Variants in ATP9B observed in about 807,000 individuals in gnomAD.
ATP9B encodes the protein ATPase phospholipid transporting 9B.
Under a neutral mutation model 146.1 loss-of-function variants are expected in ATP9B, and 110 were observed. The ratio of observed to expected loss-of-function variants is 0.75; its 90% CI spans 0.65 to 0.88. The LOEUF (loss-of-function observed/expected upper bound fraction) is 0.88. ATP9B is among the 40% of genes least tolerant of loss of function. ATP9B has a pLI of 0.00. For missense variants in ATP9B, 1,499 were observed against 1,496.4 expected (o/e 1.00, Z -0.03); for synonymous variants, 604 against 569.7 (o/e 1.06, Z -0.86).
intron 1 of ATP9B, among the ~76,000 whole-genome samples, chr18:79,086,759 A>G (rs772575280): frequency 2.0e-5 from 3 of 152,204 alleles, no homozygotes; most frequent in Non-Finnish European, 4.4e-5. Context: ...CTTGTAGAAC[A>G]TTTTAGAAAT....
At chr18:79,081,312 A>G (rs562566377) in intron 1 of ATP9B, among the ~76,000 whole-genome samples, 2 of 152,210 alleles carry the variant, frequency 1.3e-5, no homozygotes, top group East Asian at 1.9e-4. Flanking sequence ...TTATTGGTCT[A>G]TTCAGGGATT....
At chr18:79,327,338 G>T (rs1170066383) in intron 15 of ATP9B, among the ~76,000 whole-genome samples, 1 of 152,228 alleles carries the variant, frequency 6.6e-6, no homozygotes. Context: ...CACTGTGGGT[G>T]GCGGCAGGCC....
At chr18:79,108,970 G>C (rs538255866) in intron 2 of ATP9B, among the ~76,000 whole-genome samples, 3 of 152,184 alleles carry the variant, frequency 2.0e-5, no homozygotes, top group African/African-American at 4.8e-5. Context: ...AGAGCATTAC[G>C]ATTATATAGT....
chr18:79,082,786 C>G (rs2073405721), intron 1 of ATP9B, among the ~76,000 whole-genome samples: 1 of 152,210 alleles, frequency 6.6e-6, no homozygotes, highest in Non-Finnish European at 1.5e-5. Flanking sequence ...AAGCTTCGTC[C>G]CAAAGGGGCA....
intron 7 of ATP9B, among the ~76,000 whole-genome samples, chr18:79,168,464 G>C (rs1021829675): frequency 1.3e-5 from 2 of 151,912 alleles, no homozygotes; most frequent in African/African-American, 4.8e-5. Context: ...GGAGGGCTGA[G>C]CTATGTGTTC....
At chr18:79,287,644 C>A (rs1392236412) in intron 13 of ATP9B, among the ~76,000 whole-genome samples, 1,582 of 151,684 alleles carry the variant, frequency 0.01, 32 homozygotes, top group African/African-American at 0.037. Context: ...TTAGTTATTT[C>A]TTGCCTTCTG....
At chr18:79,130,886 C>T (rs1425457845) in intron 5 of ATP9B, among the ~76,000 whole-genome samples, 1 of 152,130 alleles carries the variant, frequency 6.6e-6, no homozygotes, top group Non-Finnish European at 1.5e-5. Flanking sequence ...GTTTTCTGGG[C>T]CTGGTGGCCC....
Position 79,377,697 on chromosome 18 carries a change from G to A in ATP9B, c.*314G>A, listed in dbSNP as rs190815531. 4.0e-4 allele frequency: 133 copies of A among 329,644 alleles called. 1 individual carries two copies. Among genetic ancestry groups the A allele is most frequent in the Middle Eastern group, 2.9e-3 (3 of 1,032 alleles). 20.4% of individuals were successfully genotyped at this position (329,644 alleles called of 1,614,324 possible). A position where few individuals can be genotyped will look rare whatever the true frequency, so the allele number is the denominator to read the frequency against. Reference sequence around the variant, plus strand: ...AGCCTCTCCCTCTCAGTGCAGGGACGTCACCCCTGCCAGGCAAGCCCAGGG... The same window carrying A: ...AGCCTCTCCCTCTCAGTGCAGGGACATCACCCCTGCCAGGCAAGCCCAGGG... On this transcript the variant is annotated 3_prime_UTR_variant, in exon 30 of 30. Coordinates refer to ENST00000426216, the MANE Select transcript of ATP9B (RefSeq NM_198531.5).
chr18:79,169,328 G>A (rs545546106), intron 7 of ATP9B, among the ~76,000 whole-genome samples: 2 of 152,188 alleles, frequency 1.3e-5, no homozygotes, highest in Admixed American at 6.5e-5. Context: ...TTGTTATACT[G>A]TCACCTAACA....
At chr18:79,108,308 TTTTC>T (rs1479905086) in intron 2 of ATP9B, among the ~76,000 whole-genome samples, 1 of 152,158 alleles carries the variant, frequency 6.6e-6, no homozygotes. Flanking sequence ...CTTATTTAAT[TTTTC>T]TTTCATTCAA....
intron 11 of ATP9B, among the ~76,000 whole-genome samples, chr18:79,249,799 A>G (rs2096005064): frequency 6.6e-6 from 1 of 152,234 alleles, no homozygotes; most frequent in South Asian, 2.1e-4. Context: ...AAAAAATGCA[A>G]GTGTTGAAAT....
chr18:79,179,808 A>C (rs2147983098), intron 8 of ATP9B, among the ~76,000 whole-genome samples: 1 of 152,310 alleles, frequency 6.6e-6, no homozygotes, highest in South Asian at 2.1e-4. Context: ...GGTCAAGCTA[A>C]TGGAAAGTGT....
chr18:79,207,905 A>G lies in ATP9B; in HGVS notation c.1030+893A>G, dbSNP rs1024186894. ...GTGTTCTAGGTAATGTTGCTGTGCT[A>G]AGTATCACCAACACGTACAGAGAGT... On this transcript the variant is annotated intron_variant, in intron 10 of 29. Coordinates refer to ENST00000426216, the MANE Select transcript of ATP9B (RefSeq NM_198531.5). Among the ~76,000 whole-genome samples the G allele has an allele frequency of 3.3e-5, 5 of 152,308 alleles. No individual in the cohort carries two copies. The South Asian group carries it at 1.0e-3, about 32-fold the overall frequency.
intron 7 of ATP9B, among the ~76,000 whole-genome samples, chr18:79,161,180 A>T (rs982983648): frequency 1.3e-5 from 2 of 148,742 alleles, no homozygotes; most frequent in Non-Finnish European, 3.0e-5. Flanking sequence ...CATGACTCAA[A>T]TGAGATAATC....
At position 79,113,311 on chromosome 18, in the gene ATP9B, C is replaced by T. The variant is rs1599641838; in HGVS notation, c.515C>T (p.Pro172Leu). The T allele has an allele frequency of 6.3e-7, 1 of 1,599,872 alleles. No homozygotes were observed. Among genetic ancestry groups the T allele is most frequent in the East Asian group, 2.2e-5 (1 of 44,552 alleles). ...FLVISCSQFV[P>L]ALKIGYLYTY... is the part of the protein sequence containing the mutation. ...GTAATATCCTGCTCACAGTTTGTACCAGCATTGAAAATAGGCTATCTCTAC... is the reference window on the plus strand; with the variant it reads ...GTAATATCCTGCTCACAGTTTGTACTAGCATTGAAAATAGGCTATCTCTAC... Residue 172 changes from proline to leucine, a missense_variant, in exon 4 of 30, where the codon CCA becomes CTA. Physicochemically the swap from Pro to Leu is moderately conservative, Grantham distance 98. Coordinates refer to ENST00000426216, the MANE Select transcript of ATP9B (RefSeq NM_198531.5).
intron 25 of ATP9B, 133 bp downstream of exon 25, chr18:79,348,329 G>GT: frequency 1.2e-6 from 1 of 853,748 alleles, no homozygotes; most frequent in East Asian, 2.6e-5. Context: ...TAATACTGAT[G>GT]TAAAAACAAC....
At chr18:79,078,927 T>G (rs1014295800) in intron 1 of ATP9B, among the ~76,000 whole-genome samples, 1 of 152,188 alleles carries the variant, frequency 6.6e-6, no homozygotes, top group African/African-American at 2.4e-5. Context: ...TTTTCTGTTC[T>G]TGTGTTAGTT....
intron 11 of ATP9B, among the ~76,000 whole-genome samples, chr18:79,236,245 T>C (rs1182851655): frequency 2.0e-5 from 3 of 152,236 alleles, no homozygotes; most frequent in Non-Finnish European, 4.4e-5. Context: ...GGATGAATTA[T>C]GAGGTTTGTT....
chr18:79,194,611 G>A (rs900172625), intron 9 of ATP9B: 14 of 152,316 alleles, frequency 9.2e-5, no homozygotes, highest in African/African-American at 3.4e-4. Flanking sequence ...TTAAAAAGAT[G>A]CATTCATAAA....
Sources: gnomAD v4.1 joint callset for allele counts (sites outside exome capture counted in the v4.1 genomes callset) on GRCh38, gnomAD v4.1.1 for gene constraint, MANE v1.5 for transcripts, NCBI Gene and HGNC (gene_info 2026-07-23, HGNC 2026-07-21) for gene names.